Variants in FAM178B observed in about 807,000 individuals in gnomAD.
FAM178B encodes the protein family with sequence similarity 178 member B, also known as protein FAM178B.
FAM178B carries 82 observed loss-of-function variants against 91.7 expected under a neutral mutation model. The ratio of observed to expected loss-of-function variants is 0.89; its 90% CI spans 0.75 to 1.07. The LOEUF is 1.07. Ranked by LOEUF, FAM178B falls within the 50% of genes least tolerant of loss-of-function variation. FAM178B has a pLI of 0.00. For synonymous variants in FAM178B, 368 were observed against 359.4 expected, an observed-to-expected ratio of 1.02 and a Z score of -0.27; for missense variants, 769 against 846.7, an observed-to-expected ratio of 0.91 and a Z score of 1.14.
intron 9 of FAM178B, among the ~76,000 whole-genome samples, chr2:96,927,107 A>G (rs1387889325): frequency 6.6e-6 from 1 of 152,216 alleles, no homozygotes; most frequent in Non-Finnish European, 1.5e-5. Flanking sequence ...TGCATCCATG[A>G]AGGATGCCAT....
At chr2:96,973,141 G>T (rs2082246043) in intron 1 of FAM178B, among the ~76,000 whole-genome samples, 1 of 151,090 alleles carries the variant, frequency 6.6e-6, no homozygotes, top group Non-Finnish European at 1.5e-5. Context: ...CTGGGAGGTA[G>T]AGGTTGCAGT....
intron 8 of FAM178B, among the ~76,000 whole-genome samples, chr2:96,945,424 C>A (rs548215837): frequency 2.6e-5 from 4 of 152,274 alleles, no homozygotes; most frequent in African/African-American, 4.8e-5. Flanking sequence ...GCGTAAGAAT[C>A]TCCCTAGGAT....
chr2:96,892,756 T>C (rs1261027611), intron 14 of FAM178B, among the ~76,000 whole-genome samples: 4 of 152,144 alleles, frequency 2.6e-5, no homozygotes, highest in African/African-American at 9.7e-5. Context: ...CTCGCCTTCT[T>C]GTTCCTTGCT....
In FAM178B at chr2:96,978,967, T is replaced by C. The variant is rs1200192684; in HGVS notation, c.74-6361A>G. Among the ~76,000 whole-genome samples, 6 of 133,536 alleles carry C rather than the reference T, an allele frequency of 4.5e-5. No individual in the cohort carries two copies. The Admixed American group carries it at 5.4e-4, about 12-fold the overall frequency. The allele number at this position is 133,536 out of a possible 152,430, so 87.6% of individuals were successfully genotyped here. A position where few individuals can be genotyped will look rare whatever the true frequency, so the allele number is the denominator to read the frequency against. On this transcript the variant is annotated intron_variant, in intron 1 of 16. Transcript: ENST00000490605. ...TGGCTGCATAGTATTCTATGGTGTA[T>C]GTATCACTTTTTTTTTTTTTTTTTT... is the stretch of plus-strand genomic sequence containing the variant.
rs111790507 is a variant in FAM178B at position 96,896,461 on chromosome 2, G to A, written c.1651-2410C>T. On this transcript the variant is annotated intron_variant, in intron 13 of 16. Transcript: ENST00000490605. ...GCCTTGCAGGAACCAGCGGGGATGG[G>A]CCAGACCAGAACTCTCCCTACACCG... is the stretch of plus-strand genomic sequence containing the variant. 1.8e-3 allele frequency among the ~76,000 whole-genome samples: 276 copies of A among 152,188 alleles called. 2 individuals are homozygous for A. The Middle Eastern group carries it at 0.02, about 11-fold the overall frequency.
chr2:96,950,444 G>A (rs1476417452), intron 7 of FAM178B, among the ~76,000 whole-genome samples: 2 of 152,162 alleles, frequency 1.3e-5, no homozygotes, highest in African/African-American at 2.4e-5. Flanking sequence ...GGGAGAGCTG[G>A]AGGGCTCTCT....
At chr2:96,941,618 G>C (rs2081732516) in intron 8 of FAM178B, among the ~76,000 whole-genome samples, 1 of 152,256 alleles carries the variant, frequency 6.6e-6, no homozygotes, top group Non-Finnish European at 1.5e-5. Context: ...TCTTGGAGCT[G>C]AACGTCTCGC....
In FAM178B at chr2:96,876,130, G is replaced by A; in HGVS notation, c.*146C>T. The stretch of plus-strand genomic sequence containing the variant: ...GCTCTTGCAGAGAGGAGAGGGGTCG[G>A]GGCGGTGGCAGGGGCAGGCTCTTGC... On this transcript the variant is annotated 3_prime_UTR_variant, in exon 17 of 17. Transcript: ENST00000490605. 2.6e-6 allele frequency: 2 copies of A among 765,336 alleles called. No homozygotes were observed. The highest frequency in any genetic ancestry group is 1.7e-5 in the South Asian group (1 of 57,486). The allele number at this position is 765,336 out of a possible 1,614,324, so 47.4% of individuals were successfully genotyped here.
rs573732627 is a variant in FAM178B at position 96,888,588 on chromosome 2, C to G, written c.1776+5338G>C. 7.9e-5 allele frequency among the ~76,000 whole-genome samples: 12 copies of G among 152,304 alleles called. No individual in the cohort carries two copies. The East Asian group carries it at 1.5e-3, about 20-fold the overall frequency. ...CCTGCAGTGAGAGCCAGGCCTTTCT[C>G]CACAACCTCCCATTAAGGCGGCCCT... is the stretch of plus-strand genomic sequence containing the variant. On this transcript the variant is annotated intron_variant, in intron 14 of 16. Coordinates refer to ENST00000490605, the MANE Select transcript of FAM178B (RefSeq NM_001122646.3).
At chr2:96,924,217 C>G (rs181067194) in intron 9 of FAM178B, among the ~76,000 whole-genome samples, 28 of 152,200 alleles carry the variant, frequency 1.8e-4, no homozygotes, top group Non-Finnish European at 2.8e-4. Flanking sequence ...TCCAATCCCC[C>G]CAAAGTCCGT....
At position 96,877,996 on chromosome 2, in the gene FAM178B, G is replaced by A. The variant is rs137921256; in HGVS notation, c.1901C>T (p.Thr634Met). 2.7e-5 allele frequency: 43 copies of A among 1,612,966 alleles called. No homozygotes were observed. The highest frequency in any genetic ancestry group is 8.3e-5 in the Admixed American group (5 of 60,026). ...GGCCTGGGGGCTCTCCCGGATCTGC[G>A]TGCTGATGTGGCGGTCCAACTGCAT... Reference protein sequence around the residue: ...LCMQLDRHISTQIRESPQAMH... With the variant: ...LCMQLDRHISMQIRESPQAMH... The change falls in exon 16 of 17, where the codon ACG (threonine) becomes ATG (methionine). Residue 634 changes from threonine (T) to methionine (M), a missense_variant. Coordinates refer to ENST00000490605, the MANE Select transcript of FAM178B (RefSeq NM_001122646.3).
At chr2:96,967,254 T>C (rs1018941668) in intron 5 of FAM178B, among the ~76,000 whole-genome samples, 1 of 152,144 alleles carries the variant, frequency 6.6e-6, no homozygotes, top group Non-Finnish European at 1.5e-5. Flanking sequence ...TTCTAAGAAT[T>C]TGGGCAGATA....
intron 1 of FAM178B, among the ~76,000 whole-genome samples, chr2:96,981,794 C>T (rs1020350093): frequency 3.4e-5 from 5 of 148,344 alleles, no homozygotes; most frequent in South Asian, 2.1e-4. Flanking sequence ...AGGCTGGGCA[C>T]AGGGGCTCAC....
At position 96,921,233 on chromosome 2, in the gene FAM178B, C is replaced by G. The variant is rs746781226; in HGVS notation, c.1494G>C (p.Trp498Cys). 1 of 1,551,408 alleles carries G rather than the reference C, an allele frequency of 6.4e-7. No individual in the cohort carries two copies. Among genetic ancestry groups the G allele is most frequent in the African/African-American group, 1.4e-5 (1 of 72,982 alleles). Residue 498 changes from tryptophan to cysteine, a missense_variant, in exon 12 of 17, where the codon TGG (tryptophan) becomes TGC (cysteine). By Grantham distance (215) the Trp-to-Cys change is radical. Transcript: ENST00000490605. ...GCAGGTTGTGGTGGTGGTCAGACAC[C>G]CAGCTCAGGGTGCAGCACAGTTCCT... ...KLQELCCTLS[W>C]VSDHHHNLLA...
intron 8 of FAM178B, among the ~76,000 whole-genome samples, chr2:96,947,201 G>A (rs2081844077): frequency 6.6e-6 from 1 of 152,076 alleles, no homozygotes; most frequent in African/African-American, 2.4e-5. Flanking sequence ...GCAGCCACTA[G>A]GGGGGGAAAT....
At chr2:96,904,830 C>T (rs1287795699) in intron 12 of FAM178B, among the ~76,000 whole-genome samples, 1 of 152,102 alleles carries the variant, frequency 6.6e-6, no homozygotes, top group Non-Finnish European at 1.5e-5. Flanking sequence ...TTGGGCAACA[C>T]AGCAAGACCC....
intron 9 of FAM178B, among the ~76,000 whole-genome samples, chr2:96,923,922 C>T (rs949468839): frequency 6.6e-6 from 1 of 152,222 alleles, no homozygotes; most frequent in Non-Finnish European, 1.5e-5. Flanking sequence ...TCCACATGGC[C>T]GCTGGTTCTC....
intron 14 of FAM178B, among the ~76,000 whole-genome samples, chr2:96,883,533 C>G (rs958763061): frequency 6.6e-6 from 1 of 152,240 alleles, no homozygotes; most frequent in African/African-American, 2.4e-5. Flanking sequence ...GGCTGCCAGA[C>G]CGGGTGGGGA....
intron 15 of FAM178B, 87 bp downstream of exon 15, chr2:96,878,329 G>T: frequency 7.8e-7 from 1 of 1,284,568 alleles, no homozygotes. Flanking sequence ...ACAGTGGGCT[G>T]GGCGCCATCC....
Sources: allele counts gnomAD v4.1 joint callset (sites outside exome capture counted in the v4.1 genomes callset), GRCh38; gene constraint gnomAD v4.1.1; transcripts MANE v1.5; gene names NCBI Gene and HGNC (gene_info 2026-07-23, HGNC 2026-07-21).